The following LRP1B variants were observed in gnomAD, a reference collection of about 807,000 sequenced individuals.
LRP1B encodes the protein low-density lipoprotein receptor-related protein 1B.
A neutral mutation model predicts 556.6 loss-of-function variants in LRP1B; 217 were observed. The observed-to-expected ratio is 0.39, with a 90% CI of 0.35 to 0.44. LRP1B has a LOEUF of 0.44. Ranked by LOEUF, LRP1B falls within the 20% of genes least tolerant of loss-of-function variation. The pLI is 1.00. For synonymous variants in LRP1B, 2,047 were observed against 1,865.8 expected, an observed-to-expected ratio of 1.10 and a Z score of -2.50; for missense variants, 5,053 against 5,620.8, an observed-to-expected ratio of 0.90 and a Z score of 3.23.
chr2:140,717,921 C>T (rs567555603), intron 35 of LRP1B, among the ~76,000 whole-genome samples: 1 of 152,022 alleles, frequency 6.6e-6, no homozygotes, highest in Non-Finnish European at 1.5e-5. Flanking sequence ...TTGTTTGCAG[C>T]AGAGCAGAGA....
At chr2:141,472,364 A>C (rs1559090170) in intron 3 of LRP1B, among the ~76,000 whole-genome samples, 1 of 152,096 alleles carries the variant, frequency 6.6e-6, no homozygotes, top group Non-Finnish European at 1.5e-5. Context: ...TGACAGTGAA[A>C]TCCCGTCTGT....
intron 1 of LRP1B, among the ~76,000 whole-genome samples, chr2:142,000,592 G>A (rs907342109): frequency 6.6e-6 from 1 of 152,126 alleles, no homozygotes; most frequent in Non-Finnish European, 1.5e-5. Flanking sequence ...CTAATACAGG[G>A]AGAAGAGAAT....
At chr2:141,566,072 C>T (rs1322639181) in intron 2 of LRP1B, among the ~76,000 whole-genome samples, 1 of 151,748 alleles carries the variant, frequency 6.6e-6, no homozygotes, top group Non-Finnish European at 1.5e-5. Context: ...AATCACCTTC[C>T]ACTAATAATA....
chr2:140,700,816 T>C (rs1686611541), intron 40 of LRP1B, among the ~76,000 whole-genome samples, 195 bp from the exon 41 acceptor site: 1 of 152,170 alleles, frequency 6.6e-6, no homozygotes, highest in Non-Finnish European at 1.5e-5. Context: ...CTTGGGTTTC[T>C]TTATTTGGAA....
chr2:142,080,927 G>C (rs964903201), intron 1 of LRP1B, among the ~76,000 whole-genome samples: 3 of 152,122 alleles, frequency 2.0e-5, no homozygotes, highest in Non-Finnish European at 4.4e-5. Flanking sequence ...TGTAGAAATA[G>C]TTCTCAAGTG....
chr2:141,910,083 G>A (rs1188726537), intron 1 of LRP1B, among the ~76,000 whole-genome samples: 3 of 149,644 alleles, frequency 2.0e-5, no homozygotes, highest in African/African-American at 4.9e-5. Context: ...TTTGTCTGCA[G>A]TGAGCGTAGA....
intron 41 of LRP1B, among the ~76,000 whole-genome samples, chr2:140,669,723 G>A (rs1685412531): frequency 6.6e-6 from 1 of 151,644 alleles, no homozygotes; most frequent in Non-Finnish European, 1.5e-5. Flanking sequence ...ATTATTGGTT[G>A]TAACATTATA....
chr2:142,126,675 C>T (rs2105021143), intron 1 of LRP1B, among the ~76,000 whole-genome samples: 1 of 151,928 alleles, frequency 6.6e-6, no homozygotes, highest in Middle Eastern at 3.4e-3. Flanking sequence ...GTACTTTTTA[C>T]TACACAGAAT....
intron 41 of LRP1B, among the ~76,000 whole-genome samples, chr2:140,663,741 A>G (rs535425491): frequency 3.9e-5 from 6 of 152,248 alleles, no homozygotes; most frequent in Middle Eastern, 3.4e-3. Flanking sequence ...AGCACTTTCA[A>G]TTGTCTTCAA....
chr2:141,924,253 C>G (rs796098691), intron 1 of LRP1B, among the ~76,000 whole-genome samples: 13 of 151,994 alleles, frequency 8.6e-5, no homozygotes, highest in African/African-American at 3.1e-4. Context: ...TGTCTGAACA[C>G]CAGGAGGAGT....
chr2:142,063,825 T>C (rs1335682924), intron 1 of LRP1B, among the ~76,000 whole-genome samples: 2 of 151,598 alleles, frequency 1.3e-5, no homozygotes, highest in Non-Finnish European at 3.0e-5. Context: ...CATACGAAAG[T>C]AAAGACATTT....
intron 20 of LRP1B, among the ~76,000 whole-genome samples, chr2:140,934,555 G>A (rs1243071063): frequency 2.0e-5 from 3 of 152,038 alleles, no homozygotes; most frequent in Non-Finnish European, 4.4e-5. Flanking sequence ...TCAGCTCTTA[G>A]CACAGTCACA....
At chr2:142,004,078 TA>T (rs1702736108) in intron 1 of LRP1B, among the ~76,000 whole-genome samples, 1 of 152,172 alleles carries the variant, frequency 6.6e-6, no homozygotes, top group Admixed American at 6.5e-5. Context: ...GTCCTATGGC[TA>T]GTAGGAGGCA....
At chr2:140,514,857 T>G in intron 50 of LRP1B, 85 bp from the exon 51 acceptor site, 2 of 1,254,702 alleles carry the variant, frequency 1.6e-6, no homozygotes, top group Non-Finnish European at 2.1e-6. Context: ...TTTCTTAGAC[T>G]TTGCTAAAAT....
intron 18 of LRP1B, among the ~76,000 whole-genome samples, chr2:140,967,737 T>C (rs1696276920): frequency 6.6e-6 from 1 of 151,962 alleles, no homozygotes; most frequent in Admixed American, 6.6e-5. Context: ...TTATTGAGAG[T>C]TTTTAGCATG....
intron 43 of LRP1B, among the ~76,000 whole-genome samples, chr2:140,546,176 C>G (rs141370876): frequency 2.0e-5 from 3 of 152,068 alleles, no homozygotes; most frequent in East Asian, 1.9e-4. Flanking sequence ...GCTTAAGAAG[C>G]TTTTGGGCTG....
intron 45 of LRP1B, among the ~76,000 whole-genome samples, chr2:140,540,290 T>C (rs1207335029): frequency 1.3e-5 from 2 of 152,160 alleles, no homozygotes; most frequent in Non-Finnish European, 2.9e-5. Flanking sequence ...ACCTTATACA[T>C]AAATTGCCTT....
chr2:140,683,688 A>G (rs1433081120), intron 41 of LRP1B: 1 of 708,774 alleles, frequency 1.4e-6, no homozygotes, highest in Non-Finnish European at 2.6e-6. Flanking sequence ...GGGTGCCTTC[A>G]CTCCGGGCTG....
At chr2:141,514,262 C>T (rs560975344) in intron 2 of LRP1B, among the ~76,000 whole-genome samples, 5 of 152,230 alleles carry the variant, frequency 3.3e-5, no homozygotes, top group African/African-American at 1.2e-4. Flanking sequence ...TGGAACTCCC[C>T]AAGGGAAATC....
Sources: allele counts gnomAD v4.1 joint callset (sites outside exome capture counted in the v4.1 genomes callset), GRCh38; gene constraint gnomAD v4.1.1; transcripts MANE v1.5; gene names NCBI Gene and HGNC (gene_info 2026-07-23, HGNC 2026-07-21).